The following EPHB2 variants were observed in gnomAD, a reference collection of about 807,000 sequenced individuals.
The protein encoded by EPHB2 is ephrin type-B receptor 2.
EPHB2 carries 18 observed loss-of-function variants against 96.4 expected under a neutral mutation model. The observed-to-expected ratio is 0.19, with a 90% CI of 0.13 to 0.28. The LOEUF is 0.28. Ranked by LOEUF, EPHB2 falls within the 10% of genes least tolerant of loss-of-function variation. The probability of loss-of-function intolerance (pLI) is 1.00; values close to 1 mark genes in which losing one functional copy is unlikely to be tolerated. For missense variants in EPHB2, 989 were observed against 1,355.4 expected, an observed-to-expected ratio of 0.73 and a Z score of 4.25; for synonymous variants, 506 against 534.1, an observed-to-expected ratio of 0.95 and a Z score of 0.72.
intron 5 of EPHB2, among the ~76,000 whole-genome samples, chr1:22,868,346 T>C (rs1638551809): frequency 6.6e-6 from 1 of 152,144 alleles, no homozygotes; most frequent in Admixed American, 6.5e-5. Context: ...TTGCCGTTCA[T>C]TTGCTGCATG....
At chr1:22,852,306 G>C (rs1009276035) in intron 3 of EPHB2, among the ~76,000 whole-genome samples, 5 of 152,146 alleles carry the variant, frequency 3.3e-5, no homozygotes, top group Admixed American at 3.3e-4. Flanking sequence ...AGCCCATTTT[G>C]GGGAGGGGGT....
intron 13 of EPHB2, among the ~76,000 whole-genome samples, chr1:22,909,390 C>A (rs1247644387): frequency 6.6e-6 from 1 of 152,224 alleles, no homozygotes; most frequent in African/African-American, 2.4e-5. Context: ...GAAAGGCCAC[C>A]CATCCACACA....
chr1:22,809,118 A>C lies in EPHB2; in HGVS notation c.811+24042A>C, dbSNP rs562402175. The stretch of plus-strand genomic sequence containing the variant: ...GACAGCTTCCCGGCGGTGCCTCTGC[A>C]GGCCCTTTTAAGTCCCCTGGCACCC... On this transcript the variant is annotated intron_variant, in intron 3 of 15. Coordinates refer to ENST00000374630, the MANE Select transcript of EPHB2 (RefSeq NM_017449.5). Among the ~76,000 whole-genome samples the C allele has an allele frequency of 7.2e-5, 11 of 152,332 alleles. 1 individual carries two copies. The South Asian group carries it at 2.1e-3, about 29-fold the overall frequency.
intron 1 of EPHB2, among the ~76,000 whole-genome samples, chr1:22,747,900 C>A (rs940117191): frequency 6.6e-6 from 1 of 152,196 alleles, no homozygotes; most frequent in Non-Finnish European, 1.5e-5. Context: ...CTCTCTGTGC[C>A]TCAGTTACTT....
chr1:22,753,985 ACCTTAGCTTCAC>A (rs1644104800), intron 1 of EPHB2, among the ~76,000 whole-genome samples: 1 of 152,056 alleles, frequency 6.6e-6, no homozygotes, highest in African/African-American at 2.4e-5. Flanking sequence ...CTGCAACTCA[ACCTTAGCTTCAC>A]CCTTACACAG....
Position 22,865,058 on chromosome 1 carries a change from A to G in EPHB2, c.1149A>G (p.Pro383=). Residue 383 remains proline (P), a synonymous_variant, in exon 5 of 16, where the codon CCA becomes CCG. Transcript: ENST00000374630. The stretch of plus-strand genomic sequence containing the variant: ...GCGGGGACAATGTACAGTACGCACC[A>G]CGCCAGCTAGGCCTGACCGAGCCAC... The part of the protein sequence containing the change: ...TRCGDNVQYA[P]RQLGLTEPRI... The G allele has an allele frequency of 6.2e-7, 1 of 1,614,190 alleles. No homozygotes were observed. Among genetic ancestry groups the G allele is most frequent in the Non-Finnish European group, 8.5e-7 (1 of 1,180,050 alleles).
rs570528774 is a variant in EPHB2, at chr1:22,860,534, G to T, written c.812-2503G>T. Among the ~76,000 whole-genome samples the T allele has an allele frequency of 1.7e-4, 26 of 152,258 alleles. 1 individual carries two copies. The South Asian group carries it at 5.4e-3, about 32-fold the overall frequency. ...GAGGGAGCCAGGACACTGCAAGGGG[G>T]AGAGGGCAGCCAGAAAGGCAGTCCA... On this transcript the variant is annotated intron_variant, in intron 3 of 15. Transcript: ENST00000374630. This position sits in a 1 kb window ranked among gnomAD's most constrained non-coding sequence, Gnocchi z 4.6.
At chr1:22,728,226 CTGAATGAATGAA>C (rs61525878) in intron 1 of EPHB2, among the ~76,000 whole-genome samples, 5 of 152,038 alleles carry the variant, frequency 3.3e-5, no homozygotes, top group Admixed American at 3.3e-4. Flanking sequence ...TAAAAAATTA[CTGAATGAATGAA>C]TGAATGAATA....
chr1:22,750,262 T>C (rs538465826), intron 1 of EPHB2, among the ~76,000 whole-genome samples: 14 of 152,118 alleles, frequency 9.2e-5, no homozygotes, highest in African/African-American at 2.9e-4. Context: ...CCAGGGAAGG[T>C]AGTGGCTGGG....
intron 1 of EPHB2, among the ~76,000 whole-genome samples, chr1:22,750,496 G>A (rs1253000010): frequency 6.6e-6 from 1 of 152,172 alleles, no homozygotes; most frequent in Non-Finnish European, 1.5e-5. Flanking sequence ...ATTAAATAAC[G>A]CTGAATCACA....
At chr1:22,777,480 G>A (rs1416865876) in intron 1 of EPHB2, among the ~76,000 whole-genome samples, 1 of 152,134 alleles carries the variant, frequency 6.6e-6, no homozygotes, top group Non-Finnish European at 1.5e-5. Flanking sequence ...GTTACAGGGT[G>A]GAAAAAGGAT....
chr1:22,872,320 G>A (rs1638699699), intron 5 of EPHB2, among the ~76,000 whole-genome samples: 1 of 152,058 alleles, frequency 6.6e-6, no homozygotes, highest in Admixed American at 6.6e-5. Context: ...CTCTCTGCTG[G>A]GAAAGGTTCT....
At position 22,914,014 on chromosome 1, in the gene EPHB2, T is replaced by C; in HGVS notation, c.*444T>C. ...TGAAGGGGAGAGACAGGGGCCGCCC[T>C]TGGCTCCTGTCCCTGCTGCTCCTCT... On this transcript the variant is annotated 3_prime_UTR_variant, in exon 16 of 16. Transcript: ENST00000374630. 4 of 1,118,774 alleles carry C rather than the reference T, an allele frequency of 3.6e-6. No individual in the cohort carries two copies. The highest frequency in any genetic ancestry group is 5.0e-6 in the Non-Finnish European group (4 of 805,740). 69.3% of individuals were successfully genotyped at this position (1,118,774 alleles called of 1,614,324 possible).
At chr1:22,896,695 T>A (rs765032095) in intron 9 of EPHB2, among the ~76,000 whole-genome samples, 2 of 152,130 alleles carry the variant, frequency 1.3e-5, no homozygotes, top group Non-Finnish European at 2.9e-5. Flanking sequence ...CCCATGTAGC[T>A]CTTACTCATC....
chr1:22,724,351 G>A (rs1385878854), intron 1 of EPHB2, among the ~76,000 whole-genome samples: 1 of 152,172 alleles, frequency 6.6e-6, no homozygotes, highest in East Asian at 1.9e-4. Flanking sequence ...GACTCGTGTT[G>A]TCTAAGGCCA....
chr1:22,774,558 C>T (rs1216628976), intron 1 of EPHB2: 1 of 985,134 alleles, frequency 1.0e-6, no homozygotes, highest in Non-Finnish European at 1.2e-6. Context: ...CACCAGTGTT[C>T]AGGGAGGTAA....
At chr1:22,882,289 C>T in intron 5 of EPHB2, 70 bp from the exon 6 acceptor site, 2 of 1,600,914 alleles carry the variant, frequency 1.2e-6, no homozygotes, top group Non-Finnish European at 8.5e-7. Flanking sequence ...GTCCGAGTAC[C>T]TCTGAGGGTG....
chr1:22,779,909 C>G, intron 1 of EPHB2, among the ~76,000 whole-genome samples: 1 of 152,214 alleles, frequency 6.6e-6, no homozygotes, highest in Admixed American at 6.5e-5. Context: ...AAGCATACCT[C>G]TCACCCACTC....
intron 3 of EPHB2, among the ~76,000 whole-genome samples, chr1:22,859,670 G>A (rs527286225): frequency 6.6e-6 from 1 of 152,210 alleles, no homozygotes; most frequent in Non-Finnish European, 1.5e-5. Flanking sequence ...GCACGCGCCT[G>A]TAGTCCCAGC....
Sources: gnomAD v4.1 joint callset for allele counts (sites outside exome capture counted in the v4.1 genomes callset) on GRCh38, gnomAD v4.1.1 for gene constraint, Gnocchi (gnomAD v3.1) non-coding constraint, MANE v1.5 for transcripts, NCBI Gene and HGNC (gene_info 2026-07-23, HGNC 2026-07-21) for gene names.